The following DPYSL5 variants were observed in gnomAD, a reference collection of about 807,000 sequenced individuals.
DPYSL5 encodes the protein dihydropyrimidinase-related protein 5.
DPYSL5 carries 9 observed loss-of-function variants against 58.4 expected under a neutral mutation model. The ratio of observed to expected loss-of-function variants is 0.15; its 90% CI spans 0.09 to 0.27. The LOEUF is 0.27. DPYSL5 is among the 10% of genes least tolerant of loss of function. The probability of loss-of-function intolerance (pLI) is 1.00; values close to 1 mark genes in which losing one functional copy is unlikely to be tolerated. For synonymous variants in DPYSL5, 293 were observed against 301.9 expected, an observed-to-expected ratio of 0.97 and a Z score of 0.31; for missense variants, 499 against 770.6, an observed-to-expected ratio of 0.65 and a Z score of 4.17.
At chr2:26,871,709 G>C (rs1443310403) in intron 1 of DPYSL5, among the ~76,000 whole-genome samples, 1 of 152,070 alleles carries the variant, frequency 6.6e-6, no homozygotes, top group Admixed American at 6.5e-5. Flanking sequence ...CCAAAGTGCT[G>C]GGATTACAGA....
chr2:26,941,838 C>T, intron 9 of DPYSL5, 112 bp from the exon 10 acceptor site: 1 of 1,437,828 alleles, frequency 7.0e-7, no homozygotes, highest in Non-Finnish European at 9.6e-7. Context: ...CCTTTGTGAC[C>T]ACTGTCCTGA....
At chr2:26,888,239 T>TTCTG (rs1225594457) in intron 1 of DPYSL5, among the ~76,000 whole-genome samples, 65 of 145,880 alleles carry the variant, frequency 4.5e-4, no homozygotes, top group African/African-American at 1.6e-3. Flanking sequence ...CTTTCTTTCT[T>TTCTG]TCTTTCTTTC....
intron 5 of DPYSL5, among the ~76,000 whole-genome samples, chr2:26,929,892 C>T (rs1255595253): frequency 6.6e-6 from 1 of 152,226 alleles, no homozygotes; most frequent in Admixed American, 6.5e-5. Flanking sequence ...GCCCTATTAC[C>T]CTGTTTACAC....
Position 26,926,120 on chromosome 2 carries a change from C to A in DPYSL5, c.420+1075C>A, listed in dbSNP as rs114441950. 6.2e-3 allele frequency among the ~76,000 whole-genome samples: 945 copies of A among 152,352 alleles called. 14 individuals are homozygous for A. Among genetic ancestry groups the A allele is most frequent in the African/African-American group, 0.022 (899 of 41,578 alleles). On this transcript the variant is annotated intron_variant, in intron 3 of 12. Coordinates refer to ENST00000288699, the MANE Select transcript of DPYSL5 (RefSeq NM_020134.4). Reference sequence around the variant, plus strand: ...GCCCTGGTATAAAGGGCCTAACACCCTTCTCAGATGATAACCTAAAGCCTC... The same window carrying A: ...GCCCTGGTATAAAGGGCCTAACACCATTCTCAGATGATAACCTAAAGCCTC...
At chr2:26,926,465 C>G (rs1664832116) in intron 3 of DPYSL5, among the ~76,000 whole-genome samples, 1 of 152,150 alleles carries the variant, frequency 6.6e-6, no homozygotes, top group African/African-American at 2.4e-5. Flanking sequence ...TTTCATGCAT[C>G]AGGAATTTAA....
intron 2 of DPYSL5, among the ~76,000 whole-genome samples, chr2:26,910,616 C>CTTTTTTTTTTTTTT (rs34929540): frequency 8.4e-6 from 1 of 118,522 alleles, no homozygotes; most frequent in Non-Finnish European, 1.7e-5. Flanking sequence ...TCTTCTTCTT[C>CTTTTTTTTTTTTTT]TTTTTTTTTT....
At chr2:26,871,306 A>G (rs529449697) in intron 1 of DPYSL5, among the ~76,000 whole-genome samples, 1 of 152,278 alleles carries the variant, frequency 6.6e-6, no homozygotes, top group East Asian at 1.9e-4. Flanking sequence ...ATGGAACACC[A>G]TCTGTATGAC....
chr2:26,915,243 G>A (rs1256873733), intron 2 of DPYSL5, among the ~76,000 whole-genome samples: 1 of 152,088 alleles, frequency 6.6e-6, no homozygotes, highest in Non-Finnish European at 1.5e-5. Context: ...CTCCTGCAGG[G>A]AATGGTACCC....
In DPYSL5 at chr2:26,877,313, A is replaced by T. The variant is rs778486959; in HGVS notation, c.-4-21183A>T. 2.3e-4 allele frequency among the ~76,000 whole-genome samples: 35 copies of T among 152,102 alleles called. No homozygotes were observed. The highest frequency in any genetic ancestry group is 1.4e-4 in the African/African-American group (6 of 41,458). On this transcript the variant is annotated intron_variant, in intron 1 of 12. Coordinates refer to ENST00000288699, the MANE Select transcript of DPYSL5 (RefSeq NM_020134.4). The surrounding 1 kb of genome is among the most constrained non-coding windows in gnomAD (Gnocchi z 4.1). ...TATTTTTATTTCTATTTATTTATTTATTTTTTTAAGGCCAAGGAATTAAGT... is the reference window on the plus strand; with the variant it reads ...TATTTTTATTTCTATTTATTTATTTTTTTTTTTAAGGCCAAGGAATTAAGT...
Position 26,849,945 on chromosome 2 carries a change from T to G in DPYSL5, c.-5+1691T>G, listed in dbSNP as rs1212734057. On this transcript the variant is annotated intron_variant, in intron 1 of 12. Transcript: ENST00000288699. This position sits in a 1 kb window ranked among gnomAD's most constrained non-coding sequence, Gnocchi z 6.2. ...GTCCACCCGCTGCCGAGACGCGGCG[T>G]GGTTAGCGGCGCGGAGCTGCCGGGC... is the stretch of plus-strand genomic sequence containing the variant. Among the ~76,000 whole-genome samples the G allele has an allele frequency of 6.6e-6, 1 of 151,864 alleles. No homozygotes were observed. Among genetic ancestry groups the G allele is most frequent in the Non-Finnish European group, 1.5e-5 (1 of 67,940 alleles).
At chr2:26,864,070 C>G (rs1391267254) in intron 1 of DPYSL5, among the ~76,000 whole-genome samples, 1 of 152,096 alleles carries the variant, frequency 6.6e-6, no homozygotes, top group Non-Finnish European at 1.5e-5. Context: ...TGACAAAACC[C>G]TATCTCTTTC....
chr2:26,928,471 G>T, intron 5 of DPYSL5, 148 bp downstream of exon 5: 2 of 872,328 alleles, frequency 2.3e-6, no homozygotes, highest in Non-Finnish European at 3.6e-6. Context: ...GAGGTGGGTG[G>T]ATGGCTTGAA....
intron 1 of DPYSL5, among the ~76,000 whole-genome samples, chr2:26,876,288 C>A (rs1330165605): frequency 5.3e-5 from 8 of 152,134 alleles, no homozygotes; most frequent in Non-Finnish European, 1.5e-5. Flanking sequence ...GGAGGTAGCC[C>A]CATCACTTGC....
intron 2 of DPYSL5, among the ~76,000 whole-genome samples, chr2:26,907,720 G>A (rs535203300): frequency 1.8e-4 from 28 of 152,096 alleles, no homozygotes; most frequent in Non-Finnish European, 3.5e-4. Flanking sequence ...GCCTCTCGTG[G>A]CACTCCTCCT....
Position 26,925,085 on chromosome 2 carries a change from G to A in DPYSL5, c.420+40G>A, listed in dbSNP as rs1319922811. The A allele has an allele frequency of 1.9e-6, 3 of 1,605,256 alleles. No individual in the cohort carries two copies. Among genetic ancestry groups the A allele is most frequent in the Non-Finnish European group, 2.6e-6 (3 of 1,174,728 alleles). On this transcript the variant is annotated intron_variant, in intron 3 of 12. Coordinates refer to ENST00000288699, the MANE Select transcript of DPYSL5 (RefSeq NM_020134.4). The surrounding 1 kb of genome is among the most constrained non-coding windows in gnomAD (Gnocchi z 4.5). ...GGGATCCCAGAAGAAGGCACAAGTG[G>A]TCTTGTAGGCAGAGGGGCTGGTTGG...
chr2:26,856,807 T>C (rs1665889230), intron 1 of DPYSL5, among the ~76,000 whole-genome samples: 1 of 149,016 alleles, frequency 6.7e-6, no homozygotes, highest in Admixed American at 6.6e-5. Context: ...GAGGTTGACT[T>C]CCAACTCTTA....
At chr2:26,939,985 C>A in intron 8 of DPYSL5, 46 bp from the exon 9 acceptor site, 1 of 1,611,114 alleles carries the variant, frequency 6.2e-7, no homozygotes, top group Non-Finnish European at 8.5e-7. Context: ...CCTCTAAGTT[C>A]CTCACCTCCC....
intron 1 of DPYSL5, among the ~76,000 whole-genome samples, chr2:26,856,486 A>G (rs919359894): frequency 2.0e-5 from 3 of 152,088 alleles, no homozygotes; most frequent in African/African-American, 7.2e-5. Context: ...TATTTTTTTC[A>G]TTGCTATATA....
chr2:26,852,338 C>CA (rs1002498892), intron 1 of DPYSL5, among the ~76,000 whole-genome samples: 17 of 151,920 alleles, frequency 1.1e-4, no homozygotes, highest in African/African-American at 4.1e-4. Context: ...CTTTGCCTTG[C>CA]TTTTTTTTAT....
Sources: gnomAD v4.1 joint callset for allele counts (sites outside exome capture counted in the v4.1 genomes callset) on GRCh38, gnomAD v4.1.1 for gene constraint, Gnocchi (gnomAD v3.1) non-coding constraint, MANE v1.5 for transcripts, NCBI Gene and HGNC (gene_info 2026-07-23, HGNC 2026-07-21) for gene names.